DEPDC1B: variants seen among roughly 807,000 people sequenced by gnomAD.
The protein encoded by DEPDC1B is DEP domain-containing protein 1B.
A neutral mutation model predicts 66.5 loss-of-function variants in DEPDC1B; 51 were observed. The observed-to-expected ratio is 0.77, with a 90% confidence interval of 0.61 to 0.97. The LOEUF is 0.97. Among genes scored for constraint, DEPDC1B ranks in the 50% least tolerant of loss-of-function variants. The probability of loss-of-function intolerance (pLI) is 0.00; values close to 1 mark genes in which losing one functional copy is unlikely to be tolerated. For synonymous variants in DEPDC1B, 226 were observed against 223.6 expected, an observed-to-expected ratio of 1.01 and a Z score of -0.10; for missense variants, 552 against 637.1, an observed-to-expected ratio of 0.87 and a Z score of 1.44.
At chr5:60,639,028 CATTA>C in intron 6 of DEPDC1B, 138 bp from the exon 7 acceptor site, 1 of 897,168 alleles carries the variant, frequency 1.1e-6, no homozygotes, top group Non-Finnish European at 1.6e-6. Flanking sequence ...GGAAAATTGA[CATTA>C]ATTAAATAGG....
At chr5:60,686,510 T>C (rs1754415949) in intron 2 of DEPDC1B, among the ~76,000 whole-genome samples, 1 of 152,212 alleles carries the variant, frequency 6.6e-6, no homozygotes, top group Non-Finnish European at 1.5e-5. Flanking sequence ...TCGGGCTTAA[T>C]CTGAGACATC....
intron 7 of DEPDC1B, among the ~76,000 whole-genome samples, chr5:60,619,531 CA>C (rs1752651111): frequency 1.3e-5 from 2 of 152,182 alleles, no homozygotes; most frequent in African/African-American, 4.8e-5. Flanking sequence ...AGTGAACTCC[CA>C]TTCACAATTG....
At chr5:60,610,517 C>T (rs1171441708) in intron 7 of DEPDC1B, among the ~76,000 whole-genome samples, 1 of 152,114 alleles carries the variant, frequency 6.6e-6, no homozygotes, top group African/African-American at 2.4e-5. Flanking sequence ...GGCTCCGGGC[C>T]TCACAACAAT....
At chr5:60,642,770 T>C in intron 6 of DEPDC1B, 42 bp downstream of exon 6, 1 of 1,564,146 alleles carries the variant, frequency 6.4e-7, no homozygotes, top group Non-Finnish European at 8.7e-7. Context: ...AGGGCACTAA[T>C]TTCTGTTAAT....
chr5:60,668,741 T>C (rs1368118242), intron 2 of DEPDC1B, among the ~76,000 whole-genome samples: 1 of 152,172 alleles, frequency 6.6e-6, no homozygotes, highest in East Asian at 1.9e-4. Context: ...GATAACATCA[T>C]GAAACAGAAT....
chr5:60,670,443 G>A (rs1226666230), intron 2 of DEPDC1B, among the ~76,000 whole-genome samples: 1 of 152,118 alleles, frequency 6.6e-6, no homozygotes, highest in Non-Finnish European at 1.5e-5. Flanking sequence ...AAAATGCTGA[G>A]AGATTAAGCA....
At position 60,618,769 on chromosome 5, in the gene DEPDC1B, T is replaced by A. The variant is rs1291842573; in HGVS notation, c.899-12913A>T. On this transcript the variant is annotated intron_variant, in intron 7 of 10. Coordinates refer to ENST00000265036, the MANE Select transcript of DEPDC1B (RefSeq NM_018369.3). ...TTCCAATCAATAGAAAAAGAGGGAA[T>A]CCTCCCTAACTCATTTGATGAGGCC... is the stretch of plus-strand genomic sequence containing the variant. 2.0e-5 allele frequency among the ~76,000 whole-genome samples: 3 copies of A among 152,266 alleles called. No individual in the cohort carries two copies. In the East Asian group the frequency reaches 5.8e-4, roughly 29 times the overall value.
chr5:60,619,034 A>T (rs1466646825), intron 7 of DEPDC1B, among the ~76,000 whole-genome samples: 1 of 152,250 alleles, frequency 6.6e-6, no homozygotes. Flanking sequence ...CCAAAGACAA[A>T]AACCACATGA....
chr5:60,640,055 G>A lies in DEPDC1B; in HGVS notation c.758-1165C>T, dbSNP rs1584054592. ...AAGGTCACTGTGACATGATCAAATG[G>A]CCTTTTCGGCCTCCTTAAAGACTCT... On this transcript the variant is annotated intron_variant, in intron 6 of 10. Coordinates refer to ENST00000265036, the MANE Select transcript of DEPDC1B (RefSeq NM_018369.3). Among the ~76,000 whole-genome samples the A allele has an allele frequency of 2.0e-5, 3 of 152,128 alleles. No homozygotes were observed. The East Asian group carries it at 5.8e-4, about 29-fold the overall frequency.
intron 7 of DEPDC1B, among the ~76,000 whole-genome samples, chr5:60,621,545 G>C (rs1408806702): frequency 6.6e-6 from 1 of 151,630 alleles, no homozygotes; most frequent in Admixed American, 6.6e-5. Flanking sequence ...GGGGTAGGGG[G>C]AGTGGGGAGG....
At chr5:60,651,665 C>T (rs1753459170) in intron 2 of DEPDC1B, among the ~76,000 whole-genome samples, 1 of 152,002 alleles carries the variant, frequency 6.6e-6, no homozygotes, top group South Asian at 2.1e-4. Flanking sequence ...CAGGATCGGG[C>T]AGTGAAATGG....
chr5:60,689,796 C>T (rs867842566), intron 1 of DEPDC1B, among the ~76,000 whole-genome samples: 14 of 152,122 alleles, frequency 9.2e-5, no homozygotes, highest in South Asian at 4.1e-4. Context: ...AATCCCAGCA[C>T]TTTGAGAGGA....
At chr5:60,640,853 A>G (rs1753173012) in intron 6 of DEPDC1B, among the ~76,000 whole-genome samples, 1 of 152,226 alleles carries the variant, frequency 6.6e-6, no homozygotes, top group Admixed American at 6.5e-5. Context: ...GACAAGAAAC[A>G]GGTTGTGACT....
chr5:60,673,034 G>A (rs1754076940), intron 2 of DEPDC1B, among the ~76,000 whole-genome samples: 1 of 152,110 alleles, frequency 6.6e-6, no homozygotes, highest in African/African-American at 2.4e-5. Flanking sequence ...AGAGATAAAA[G>A]GCAAATTCTT....
chr5:60,698,128 G>A (rs1584112229), intron 1 of DEPDC1B, among the ~76,000 whole-genome samples: 1 of 152,122 alleles, frequency 6.6e-6, no homozygotes, highest in African/African-American at 2.4e-5. Context: ...ATAAATTGGT[G>A]AAGGGAATGA....
intron 7 of DEPDC1B, among the ~76,000 whole-genome samples, chr5:60,607,420 GAAA>G (rs1399236304): frequency 1.3e-5 from 2 of 151,830 alleles, no homozygotes; most frequent in Non-Finnish European, 2.9e-5. Flanking sequence ...TCAAATCATG[GAAA>G]GAAAAAAGGT....
chr5:60,627,341 C>T (rs1033474503), intron 7 of DEPDC1B, among the ~76,000 whole-genome samples: 2 of 152,044 alleles, frequency 1.3e-5, no homozygotes, highest in African/African-American at 4.8e-5. Context: ...TACTTTTAAA[C>T]CCTTCAAGAT....
chr5:60,638,809 C>G lies in DEPDC1B; in HGVS notation c.839G>C (p.Gly280Ala). 6.2e-7 allele frequency: 1 copy of G among 1,612,868 alleles called. No homozygotes were observed. The highest frequency in any genetic ancestry group is 8.5e-7 in the Non-Finnish European group (1 of 1,179,424). Reference sequence around the variant, plus strand: ...TGTAAGTAGAGGCTCTTTCAAGTGACCATAGTAATCAGCTATGGTTTTAAA... The same window carrying G: ...TGTAAGTAGAGGCTCTTTCAAGTGAGCATAGTAATCAGCTATGGTTTTAAA... Reference protein sequence around the residue: ...DVFKTIADYYGHLKEPLLTFH... With the variant: ...DVFKTIADYYAHLKEPLLTFH... The change falls in exon 7 of 11, where the codon GGT (glycine) becomes GCT (alanine). Residue 280 changes from glycine (G) to alanine (A), a missense_variant. Gly to Ala is a moderately conservative substitution (Grantham distance 60). Coordinates refer to ENST00000265036, the MANE Select transcript of DEPDC1B (RefSeq NM_018369.3).
intron 5 of DEPDC1B, 106 bp downstream of exon 5, chr5:60,644,639 G>T: frequency 1.1e-6 from 1 of 916,796 alleles, no homozygotes; most frequent in Non-Finnish European, 1.6e-6. Flanking sequence ...ACGTAATGAA[G>T]GAACAAACTT....
Sources: gnomAD v4.1 joint callset for allele counts (sites outside exome capture counted in the v4.1 genomes callset) on GRCh38, gnomAD v4.1.1 for gene constraint, MANE v1.5 for transcripts, NCBI Gene and HGNC (gene_info 2026-07-23, HGNC 2026-07-21) for gene names.